Variants in NOL4 observed in about 807,000 individuals in gnomAD.
The protein encoded by NOL4 is cancer/testis antigen 125.
In NOL4, 17 loss-of-function variants were observed where a neutral mutation model predicts 75.9. That is an observed-to-expected ratio of 0.22 (90% CI 0.15 to 0.34). NOL4 has a LOEUF of 0.34. Ranked by LOEUF, NOL4 falls within the 10% of genes least tolerant of loss-of-function variation. NOL4 has a pLI of 1.00. For synonymous variants in NOL4, 292 were observed against 289.9 expected (o/e 1.01, Z -0.07); for missense variants, 614 against 793.5 (o/e 0.77, Z 2.72).
At chr18:33,977,645 C>A (rs1018586977) in intron 6 of NOL4, among the ~76,000 whole-genome samples, 4 of 152,118 alleles carry the variant, frequency 2.6e-5, no homozygotes, top group Non-Finnish European at 4.4e-5. Context: ...CCCATCCATA[C>A]CTACTATGTT....
At chr18:33,881,598 A>C (rs1008796181) in intron 10 of NOL4, among the ~76,000 whole-genome samples, 2,317 of 151,666 alleles carry the variant, frequency 0.015, 58 homozygotes, top group African/African-American at 0.052. Flanking sequence ...ATGGGTAGGA[A>C]GAATCAATAT....
chr18:34,165,721 C>T (rs1054708814), intron 1 of NOL4, among the ~76,000 whole-genome samples: 1 of 151,730 alleles, frequency 6.6e-6, no homozygotes, highest in African/African-American at 2.4e-5. Flanking sequence ...GATATCATAC[C>T]CCAAATACGT....
At chr18:34,008,829 T>C (rs1177384983) in intron 6 of NOL4, among the ~76,000 whole-genome samples, 2 of 152,020 alleles carry the variant, frequency 1.3e-5, no homozygotes, top group Non-Finnish European at 2.9e-5. Flanking sequence ...GTCAGCTGCA[T>C]AGCTGGGAGT....
At chr18:33,869,317 A>G (rs1294936655) in intron 10 of NOL4, among the ~76,000 whole-genome samples, 1 of 152,044 alleles carries the variant, frequency 6.6e-6, no homozygotes, top group African/African-American at 2.4e-5. Context: ...AATGAGAATC[A>G]GCAAATTTTA....
intron 6 of NOL4, among the ~76,000 whole-genome samples, chr18:33,970,426 C>T (rs1404585684): frequency 6.6e-6 from 1 of 152,076 alleles, no homozygotes; most frequent in Non-Finnish European, 1.5e-5. Flanking sequence ...GACATACTGA[C>T]ATTTTTAAGC....
chr18:34,089,231 C>T (rs1378831887), intron 5 of NOL4, among the ~76,000 whole-genome samples: 1 of 151,998 alleles, frequency 6.6e-6, no homozygotes, highest in Non-Finnish European at 1.5e-5. Context: ...TAATGTCCTA[C>T]TTCAATTTCT....
intron 9 of NOL4, among the ~76,000 whole-genome samples, chr18:33,930,139 A>C (rs2067591328): frequency 1.3e-5 from 2 of 152,146 alleles, no homozygotes; most frequent in South Asian, 4.1e-4. Flanking sequence ...TTTAAATTAG[A>C]ATGGTAAAAG....
intron 8 of NOL4, among the ~76,000 whole-genome samples, chr18:33,954,190 T>C (rs2069468381): frequency 6.6e-6 from 1 of 152,192 alleles, no homozygotes; most frequent in African/African-American, 2.4e-5. Flanking sequence ...TAATACAATG[T>C]AAATGACATG....
At chr18:34,177,189 C>T (rs1299961628) in intron 1 of NOL4, among the ~76,000 whole-genome samples, 1 of 151,808 alleles carries the variant, frequency 6.6e-6, no homozygotes, top group Non-Finnish European at 1.5e-5. Context: ...TTGATTATTC[C>T]ATTTACATAA....
chr18:33,886,905 G>GATATATCTAC (rs1484931742), intron 9 of NOL4, among the ~76,000 whole-genome samples: 2,331 of 117,256 alleles, frequency 0.02, 80 homozygotes, highest in Non-Finnish European at 0.023. Flanking sequence ...ATTATATCTA[G>GATATATCTAC]ATATATCTAT....
rs1173002554 is a variant in NOL4 at position 34,181,577 on chromosome 18, C to A, written c.264+41413G>T. 3.3e-5 allele frequency among the ~76,000 whole-genome samples: 5 copies of A among 151,488 alleles called. No individual in the cohort carries two copies. In the South Asian group the frequency reaches 1.0e-3, roughly 31 times the overall value. ...AAGAAAAAATAGAGAAGTTAGACTT[C>A]ATCAAAATTAAAAACTTTTGCATAT... On this transcript the variant is annotated intron_variant, in intron 1 of 10. Transcript: ENST00000261592.
intron 6 of NOL4, among the ~76,000 whole-genome samples, chr18:34,002,769 C>A (rs1344790845): frequency 6.6e-6 from 1 of 151,988 alleles, no homozygotes; most frequent in Non-Finnish European, 1.5e-5. Flanking sequence ...ATACTCATAC[C>A]AATTAAGTCC....
At chr18:34,025,543 T>A (rs1229764357) in intron 5 of NOL4, among the ~76,000 whole-genome samples, 1 of 152,156 alleles carries the variant, frequency 6.6e-6, no homozygotes, top group Non-Finnish European at 1.5e-5. Flanking sequence ...ATGTTCTCTT[T>A]CCCCTCTTGA....
intron 5 of NOL4, among the ~76,000 whole-genome samples, chr18:34,040,184 C>T (rs2076080642): frequency 6.6e-6 from 1 of 151,904 alleles, no homozygotes; most frequent in African/African-American, 2.4e-5. Flanking sequence ...ATTTATCTCT[C>T]GTTTGGAAAG....
At chr18:34,057,422 A>C (rs991660082) in intron 5 of NOL4, among the ~76,000 whole-genome samples, 4 of 152,146 alleles carry the variant, frequency 2.6e-5, no homozygotes, top group Non-Finnish European at 5.9e-5. Flanking sequence ...AGGTAAAACT[A>C]AAATGTTCTT....
intron 9 of NOL4, among the ~76,000 whole-genome samples, chr18:33,903,970 G>A (rs1211040774): frequency 6.6e-6 from 1 of 152,140 alleles, no homozygotes; most frequent in Non-Finnish European, 1.5e-5. Context: ...GCTAAAACTA[G>A]TTCAAACTCT....
At chr18:34,091,765 C>A (rs2145528508) in intron 5 of NOL4, among the ~76,000 whole-genome samples, 1 of 152,150 alleles carries the variant, frequency 6.6e-6, no homozygotes, top group African/African-American at 2.4e-5. Flanking sequence ...CGGATCACTG[C>A]AAGAGAAAAC....
At chr18:34,192,374 T>C (rs935777381) in intron 1 of NOL4, among the ~76,000 whole-genome samples, 8 of 152,168 alleles carry the variant, frequency 5.3e-5, no homozygotes, top group African/African-American at 1.9e-4. Context: ...CTAAAATTTG[T>C]ATAATACCAC....
chr18:33,999,505 T>G (rs2073540138), intron 6 of NOL4, among the ~76,000 whole-genome samples: 1 of 152,060 alleles, frequency 6.6e-6, no homozygotes, highest in African/African-American at 2.4e-5. Context: ...AGGTCAATGT[T>G]TATTGGTAAT....
Sources: gnomAD v4.1 joint callset for allele counts (sites outside exome capture counted in the v4.1 genomes callset) on GRCh38, gnomAD v4.1.1 for gene constraint, MANE v1.5 for transcripts, NCBI Gene and HGNC (gene_info 2026-07-23, HGNC 2026-07-21) for gene names.